The following C11orf65 variants were observed in gnomAD, a reference collection of about 807,000 sequenced individuals.
The protein encoded by C11orf65 is chromosome 11 open reading frame 65.
Under a neutral mutation model 35.3 loss-of-function variants are expected in C11orf65, and 38 were observed. The ratio of observed to expected loss-of-function variants is 1.08; its 90% CI spans 0.83 to 1.41. The LOEUF is 1.41. C11orf65 is among the 40% of genes most tolerant of loss of function. C11orf65 has a pLI of 0.00. For missense variants in C11orf65, 370 were observed against 367.1 expected (o/e 1.01, Z -0.06); for synonymous variants, 105 against 114.4 (o/e 0.92, Z 0.53).
chr11:108,441,630 A>G (rs2093156082), intron 2 of C11orf65, among the ~76,000 whole-genome samples: 1 of 152,210 alleles, frequency 6.6e-6, no homozygotes, highest in Non-Finnish European at 1.5e-5. Flanking sequence ...AAGCTTCCGG[A>G]GGAAGGATTA....
At chr11:108,434,823 A>G (rs1316021057) in intron 2 of C11orf65, among the ~76,000 whole-genome samples, 60 of 152,222 alleles carry the variant, frequency 3.9e-4, no homozygotes, top group Non-Finnish European at 5.9e-5. Flanking sequence ...CTGTCATGGT[A>G]TTCCACACAG....
chr11:108,323,146 G>T (rs2085353350), intron 6 of C11orf65, among the ~76,000 whole-genome samples: 1 of 152,178 alleles, frequency 6.6e-6, no homozygotes, highest in Non-Finnish European at 1.5e-5. Flanking sequence ...AAAAGAGAAG[G>T]AAATTTTAGA....
chr11:108,361,337 A>G (rs2090722732), intron 2 of C11orf65, among the ~76,000 whole-genome samples: 1 of 149,134 alleles, frequency 6.7e-6, no homozygotes, highest in Non-Finnish European at 1.5e-5. Flanking sequence ...GCTCATGGGT[A>G]GGAAGAATCA....
At chr11:108,354,674 T>C (rs2089664102) in intron 2 of C11orf65, 1 of 811,466 alleles carries the variant, frequency 1.2e-6, no homozygotes, top group Non-Finnish European at 2.2e-6. Context: ...CTGCCAAGTA[T>C]TATGCTATTT....
chr11:108,329,420 T>G (rs1004037959), downstream of C11orf65: 32 of 618,372 alleles, frequency 5.2e-5, no homozygotes, highest in African/African-American at 5.7e-4. Flanking sequence ...TTTGTTTTTT[T>G]TTTTGAGACA....
chr11:108,440,977 G>A (rs542614962), intron 2 of C11orf65, among the ~76,000 whole-genome samples: 1 of 152,280 alleles, frequency 6.6e-6, no homozygotes, highest in East Asian at 1.9e-4. Context: ...GGGCTTGTCA[G>A]ACAGTGGGTG....
intron 2 of C11orf65, chr11:108,343,463 C>G: frequency 6.7e-7 from 1 of 1,482,682 alleles, no homozygotes; most frequent in African/African-American, 1.4e-5. Context: ...TACAAAAAAA[C>G]TTTAATTTCA....
In C11orf65 at chr11:108,345,830, A is replaced by G. The variant is rs879253968; in HGVS notation, c.227-10538T>C. ...TCAACCAGTTTTCCGTTACTTCTGC[A>G]TGGAAAAATTCTTGGATCCAGCTAT... On this transcript the variant is annotated intron_variant, in intron 2 of 3. Transcript: ENST00000524755. 1.2e-6 allele frequency: 2 copies of G among 1,613,928 alleles called. No homozygotes were observed. The highest frequency in any genetic ancestry group is 8.5e-7 in the Non-Finnish European group (1 of 1,179,876).
chr11:108,340,528 C>T (rs1253430932), intron 2 of C11orf65, among the ~76,000 whole-genome samples: 1 of 152,190 alleles, frequency 6.6e-6, no homozygotes, highest in Non-Finnish European at 1.5e-5. Context: ...TCCTATTGGT[C>T]AACTTCCAGG....
chr11:108,356,984 G>C (rs763989369), intron 2 of C11orf65, among the ~76,000 whole-genome samples: 7 of 152,212 alleles, frequency 4.6e-5, no homozygotes, highest in Non-Finnish European at 1.0e-4. Flanking sequence ...ACAGCTCCCA[G>C]CGTGAGCGAT....
chr11:108,332,600 A>G (rs541480276), intron 3 of C11orf65, among the ~76,000 whole-genome samples: 1 of 152,266 alleles, frequency 6.6e-6, no homozygotes, highest in Admixed American at 6.5e-5. Context: ...TGTATCTTTG[A>G]TGTATTTCAT....
chr11:108,325,547 A>G, intron 6 of C11orf65: 1 of 1,589,574 alleles, frequency 6.3e-7, no homozygotes, highest in Non-Finnish European at 8.6e-7. Flanking sequence ...ACACTCAGGT[A>G]AATACAATTT....
chr11:108,399,027 A>T (rs2092382597), intron 6 of C11orf65, among the ~76,000 whole-genome samples: 1 of 152,136 alleles, frequency 6.6e-6, no homozygotes, highest in Non-Finnish European at 1.5e-5. Context: ...GTCAGCTGTG[A>T]CTGTAGCCAG....
intron 1 of C11orf65, among the ~76,000 whole-genome samples, chr11:108,465,197 C>T (rs1389591111): frequency 6.6e-6 from 1 of 152,114 alleles, no homozygotes; most frequent in Non-Finnish European, 1.5e-5. Flanking sequence ...CCTTGAAAAT[C>T]CTGAACCAGT....
chr11:108,372,575 T>C (rs193186629), intron 2 of C11orf65, among the ~76,000 whole-genome samples: 96 of 152,318 alleles, frequency 6.3e-4, no homozygotes, highest in African/African-American at 1.8e-3. Context: ...AAAAGGAAAT[T>C]AGCTGTTTGC....
chr11:108,365,028 G>C (rs1489074906), intron 2 of C11orf65: 2 of 1,590,564 alleles, frequency 1.3e-6, no homozygotes, highest in Non-Finnish European at 1.7e-6. Context: ...CTGTTTCTAA[G>C]TATGTGATTA....
chr11:108,327,570 TC>T, downstream of C11orf65: 1 of 1,239,722 alleles, frequency 8.1e-7, no homozygotes, highest in Non-Finnish European at 1.2e-6. Flanking sequence ...CCTGCTTTTT[TC>T]CCCGTACATG....
chr11:108,346,299 A>G (rs1377994388), intron 2 of C11orf65, among the ~76,000 whole-genome samples: 3 of 152,104 alleles, frequency 2.0e-5, no homozygotes, highest in South Asian at 2.1e-4. Flanking sequence ...ACCTCTAAAT[A>G]TCATCACCTA....
chr11:108,333,463 A>G (rs2086499064), intron 3 of C11orf65, among the ~76,000 whole-genome samples: 1 of 152,170 alleles, frequency 6.6e-6, no homozygotes, highest in Non-Finnish European at 1.5e-5. Context: ...TCATATCTTC[A>G]AGTTTAAATT....
Sources: gnomAD v4.1 joint callset for allele counts (sites outside exome capture counted in the v4.1 genomes callset) on GRCh38, gnomAD v4.1.1 for gene constraint, MANE v1.5 for transcripts, NCBI Gene and HGNC (gene_info 2026-07-23, HGNC 2026-07-21) for gene names.